ACAT1: variants seen among roughly 807,000 people sequenced by gnomAD.
ACAT1 encodes the protein acetyl-CoA acetyltransferase 1.
A neutral mutation model predicts 47.3 loss-of-function variants in ACAT1; 28 were observed. That is an observed-to-expected ratio of 0.59 (90% CI 0.44 to 0.81). The LOEUF (loss-of-function observed/expected upper bound fraction) is 0.81. Among genes scored for constraint, ACAT1 ranks in the 30% least tolerant of loss-of-function variants. The pLI is 0.00. For missense variants in ACAT1, 469 were observed against 524.3 expected (o/e 0.89, Z 1.03); for synonymous variants, 181 against 173.6 (o/e 1.04, Z -0.34).
intron 1 of ACAT1, chr11:108,129,316 T>C (rs1052099823): frequency 6.6e-6 from 1 of 152,228 alleles, no homozygotes; most frequent in Non-Finnish European, 1.5e-5. Flanking sequence ...TCCATATTTT[T>C]GCAATTGCAA....
At chr11:108,130,279 C>T (rs1244263662) in intron 1 of ACAT1, among the ~76,000 whole-genome samples, 2 of 152,070 alleles carry the variant, frequency 1.3e-5, no homozygotes, top group Non-Finnish European at 2.9e-5. Flanking sequence ...GCAGGGGAGT[C>T]ACCTTGTAAG....
chr11:108,141,267 C>A (rs1300220593), intron 7 of ACAT1, among the ~76,000 whole-genome samples: 2 of 150,340 alleles, frequency 1.3e-5, no homozygotes, highest in African/African-American at 4.9e-5. Flanking sequence ...CACCTGTAGT[C>A]CCAGCTACTT....
In ACAT1 at chr11:108,131,354, A is replaced by ATTTTTTTTTTTTTTTTTTTTTTTTTTT. The variant is rs397951009; in HGVS notation, c.73-535_73-534insTTTTTTTTTTTTTTTTTTTTTTTTTTT. ...AAGCTATATTTAAGAAAGACTTGGA[A>ATTTTTTTTTTTTTTTTTTTTTTTTTTT]TTTTTTTTTTTTTTTTTTAGACAGT... On this transcript the variant is annotated intron_variant, in intron 1 of 11. Coordinates refer to ENST00000265838, the MANE Select transcript of ACAT1 (RefSeq NM_000019.4). 5.5e-3 allele frequency among the ~76,000 whole-genome samples: 345 copies of ATTTTTTTTTTTTTTTTTTTTTTTTTTT among 62,636 alleles called. 95 individuals carry two copies. Among genetic ancestry groups the ATTTTTTTTTTTTTTTTTTTTTTTTTTT allele is most frequent in the East Asian group, 0.014 (14 of 998 alleles). 41.1% of individuals were successfully genotyped at this position (62,636 alleles called of 152,430 possible).
chr11:108,131,013 A>G (rs943960848), intron 1 of ACAT1, among the ~76,000 whole-genome samples: 1 of 152,190 alleles, frequency 6.6e-6, no homozygotes, highest in African/African-American at 2.4e-5. Context: ...GCAGCCTTCC[A>G]AAGTGTTGGG....
intron 5 of ACAT1, 170 bp from the exon 6 acceptor site, chr11:108,138,728 T>G (rs2077520820): frequency 1.3e-6 from 1 of 773,092 alleles, no homozygotes; most frequent in Non-Finnish European, 2.2e-6. Context: ...TTTAACACCA[T>G]TTCTTTTCAT....
rs781454450 is a variant in ACAT1, at chr11:108,142,491, T to C, written c.881T>C (p.Val294Ala). Residue 294 changes from valine to alanine, a missense_variant, in exon 9 of 12, where the codon GTT becomes GCT. Transcript: ENST00000265838. ...STLNDGAAAL[V>A]LMTADAAKRL... ...CTGAATGATGGAGCAGCTGCTCTGGTTCTCATGACGGCAGATGCAGCGAAG... is the reference window on the plus strand; with the variant it reads ...CTGAATGATGGAGCAGCTGCTCTGGCTCTCATGACGGCAGATGCAGCGAAG... 2 of 1,614,184 alleles carry C rather than the reference T, an allele frequency of 1.2e-6. No individual in the cohort carries two copies. The highest frequency in any genetic ancestry group is 2.2e-5 in the East Asian group (1 of 44,884).
intron 1 of ACAT1, among the ~76,000 whole-genome samples, chr11:108,130,931 G>C (rs1024955897): frequency 2.0e-5 from 3 of 152,136 alleles, no homozygotes; most frequent in Admixed American, 2.0e-4. Context: ...TGTATTTTTA[G>C]TAGAGACGGG....
chr11:108,134,356 TA>T, intron 4 of ACAT1, 40 bp downstream of exon 4: 2 of 1,535,436 alleles, frequency 1.3e-6, no homozygotes, highest in African/African-American at 1.4e-5. Context: ...TTAAAATGTG[TA>T]AAAGGGGCCG....
upstream of ACAT1, chr11:108,121,478 C>A: frequency 9.2e-7 from 1 of 1,088,622 alleles, no homozygotes; most frequent in Non-Finnish European, 1.4e-6. Context: ...GGCCAATCGC[C>A]GCCGACTGAG....
In ACAT1 at chr11:108,143,695, G is replaced by T. The variant is rs116855128; in HGVS notation, c.941-288G>T. The T allele has an allele frequency of 8.7e-3, 2,586 of 295,672 alleles. 14 individuals carry two copies. Among genetic ancestry groups the T allele is most frequent in the Non-Finnish European group, 0.013 (2,077 of 157,002 alleles). The allele number at this position is 295,672 out of a possible 1,614,324, so 18.3% of individuals were successfully genotyped here. ...TTGTAGATGTTTAGCAGAATCCTTA[G>T]TCTTTACCCAGTGGCATCTGAACTA... On this transcript the variant is annotated intron_variant, in intron 9 of 11. Coordinates refer to ENST00000265838, the MANE Select transcript of ACAT1 (RefSeq NM_000019.4).
At chr11:108,132,709 G>A (rs1024184216) in intron 2 of ACAT1, among the ~76,000 whole-genome samples, 5 of 151,576 alleles carry the variant, frequency 3.3e-5, no homozygotes, top group Non-Finnish European at 7.4e-5. Context: ...AAAAAATTAG[G>A]TGGGCATGGT....
chr11:108,126,320 G>A (rs2135302936), intron 1 of ACAT1, among the ~76,000 whole-genome samples: 1 of 152,270 alleles, frequency 6.6e-6, no homozygotes, highest in African/African-American at 2.4e-5. Context: ...ACTATTACTG[G>A]CAGAGGCACA....
chr11:108,144,439 G>C (rs114563830), intron 10 of ACAT1, among the ~76,000 whole-genome samples: 1 of 152,082 alleles, frequency 6.6e-6, no homozygotes, highest in African/African-American at 2.4e-5. Flanking sequence ...GCTGGCAGCA[G>C]GTCTTCAGAG....
At chr11:108,117,927 G>C (rs1218511985), upstream of ACAT1, among the ~76,000 whole-genome samples, 2 of 151,990 alleles carry the variant, frequency 1.3e-5, no homozygotes, top group Non-Finnish European at 1.5e-5. Flanking sequence ...ATAATACTTT[G>C]CAAGACCTAA....
chr11:108,144,221 A>C, intron 10 of ACAT1, 174 bp downstream of exon 10: 1 of 675,660 alleles, frequency 1.5e-6, no homozygotes. Context: ...TAACAAACAA[A>C]AAAAAAAAAA....
At chr11:108,122,090 C>T (rs888313506) in intron 1 of ACAT1, among the ~76,000 whole-genome samples, 1 of 152,172 alleles carries the variant, frequency 6.6e-6, no homozygotes, top group African/African-American at 2.4e-5. Context: ...GGAGAGGTTC[C>T]TTTTCTTTTT....
At chr11:108,117,703 T>G (rs1864980257), upstream of ACAT1, among the ~76,000 whole-genome samples, 1 of 152,238 alleles carries the variant, frequency 6.6e-6, no homozygotes, top group Non-Finnish European at 1.5e-5. Flanking sequence ...TGACAGAAGT[T>G]GTTCGTTGTA....
chr11:108,120,439 G>T (rs2077127582), upstream of ACAT1, among the ~76,000 whole-genome samples: 1 of 152,016 alleles, frequency 6.6e-6, no homozygotes, highest in Non-Finnish European at 1.5e-5. Flanking sequence ...TACTTGGGAG[G>T]CAGAGACAGG....
At chr11:108,147,041 T>C (rs1367492735) in intron 11 of ACAT1, among the ~76,000 whole-genome samples, 2 of 152,106 alleles carry the variant, frequency 1.3e-5, no homozygotes, top group Non-Finnish European at 1.5e-5. Flanking sequence ...GATTCTGCCA[T>C]TGCACTCCAG....
Sources: allele counts gnomAD v4.1 joint callset (sites outside exome capture counted in the v4.1 genomes callset), GRCh38; gene constraint gnomAD v4.1.1; transcripts MANE v1.5; gene names NCBI Gene and HGNC (gene_info 2026-07-23, HGNC 2026-07-21).